The following ACCSL variants were observed in gnomAD, a reference collection of about 807,000 sequenced individuals.
ACCSL encodes the protein probable inactive 1-aminocyclopropane-1-carboxylate synthase-like protein 2.
A neutral mutation model predicts 61.7 loss-of-function variants in ACCSL; 55 were observed. The ratio of observed to expected loss-of-function variants is 0.89; its 90% CI spans 0.72 to 1.12. The LOEUF (loss-of-function observed/expected upper bound fraction) is 1.12, where lower values mean the gene tolerates loss of function less well. Among genes scored for constraint, ACCSL ranks in the 50% most tolerant of loss-of-function variants. The pLI, the probability that ACCSL is intolerant of heterozygous loss-of-function variation, is 0.00. For missense variants in ACCSL, 632 were observed against 698.0 expected, an observed-to-expected ratio of 0.91 and a Z score of 1.07; for synonymous variants, 258 against 264.3, an observed-to-expected ratio of 0.98 and a Z score of 0.23.
At chr11:44,043,101 C>T (rs1282305247), upstream of ACCSL, among the ~76,000 whole-genome samples, 1 of 152,158 alleles carries the variant, frequency 6.6e-6, no homozygotes, top group Admixed American at 6.5e-5. Context: ...ACGTATTTAG[C>T]TATTTATATT....
In ACCSL at chr11:44,058,627, A is replaced by T. The variant is rs558141811; in HGVS notation, c.1552A>T (p.Lys518Ter). ...LDNKLLLSRGKTYMCKEPGWF... is the reference protein window; with the variant it reads ...LDNKLLLSRG The stretch of plus-strand genomic sequence containing the variant: ...CAACAAGCTATTGTTATCCCGTGGC[A>T]AAACCTACATGTGTAAGGAGCCAGG... The change falls in exon 13 of 14, where the codon AAA becomes TAA. Residue 518 changes from lysine (K) to a stop codon, truncating the protein, a stop_gained. Transcript: ENST00000378832. LOFTEE classifies it high-confidence loss of function. 30 of 1,614,146 alleles carry T rather than the reference A, an allele frequency of 1.9e-5. No homozygotes were observed. Among genetic ancestry groups the T allele is most frequent in the Admixed American group, 3.3e-5 (2 of 60,026 alleles).
chr11:44,038,174 C>T, the ACCSL span, among the ~76,000 whole-genome samples: 2 of 151,740 alleles, frequency 1.3e-5, no homozygotes, highest in Admixed American at 1.3e-4. Flanking sequence ...GCATGAGGAG[C>T]GGGTTGTAGA....
the ACCSL span, among the ~76,000 whole-genome samples, chr11:43,939,131 T>C: frequency 6.6e-6 from 1 of 152,254 alleles, no homozygotes; most frequent in African/African-American, 2.4e-5. Context: ...AGCCAACACA[T>C]GCAAATGGCT....
chr11:43,932,994 C>T, the ACCSL span: 15 of 447,636 alleles, frequency 3.4e-5, no homozygotes, highest in East Asian at 5.6e-4. Context: ...TGGAGGGCTG[C>T]GCTGTGTAGC....
At chr11:43,978,917 C>T in the ACCSL span, among the ~76,000 whole-genome samples, 1 of 149,866 alleles carries the variant, frequency 6.7e-6, no homozygotes, top group African/African-American at 2.4e-5. Context: ...TTACTTGGCT[C>T]AACCTCAGTG....
chr11:44,041,944 A>C, the ACCSL span, among the ~76,000 whole-genome samples: 1 of 152,174 alleles, frequency 6.6e-6, no homozygotes, highest in African/African-American at 2.4e-5. Flanking sequence ...CTATAGATAT[A>C]ATTGATTTTT....
At chr11:43,932,690 G>A in the ACCSL span, among the ~76,000 whole-genome samples, 133 of 152,330 alleles carry the variant, frequency 8.7e-4, no homozygotes, top group Middle Eastern at 6.8e-3. Flanking sequence ...GTCTTTGCAG[G>A]TGTCCTCAGC....
the ACCSL span, among the ~76,000 whole-genome samples, chr11:44,004,846 G>C: frequency 3.3e-5 from 5 of 152,162 alleles, no homozygotes; most frequent in African/African-American, 1.2e-4. Context: ...GCAAGAACCT[G>C]GTGATTTGCT....
the ACCSL span, among the ~76,000 whole-genome samples, chr11:43,926,242 C>T: frequency 6.6e-6 from 1 of 152,138 alleles, no homozygotes; most frequent in Non-Finnish European, 1.5e-5. Context: ...TGATGCTCTG[C>T]TCACTCTCGG....
the ACCSL span, among the ~76,000 whole-genome samples, chr11:44,036,493 G>A: frequency 6.6e-6 from 1 of 152,162 alleles, no homozygotes; most frequent in African/African-American, 2.4e-5. Flanking sequence ...CAGATTCCCA[G>A]GTTCTATGCC....
intron 9 of ACCSL, 56 bp downstream of exon 9, chr11:44,055,347 G>C (rs1000142690): frequency 7.6e-6 from 11 of 1,448,536 alleles, no homozygotes; most frequent in African/African-American, 2.8e-5. Flanking sequence ...TTGTTTTGCA[G>C]GGTGAGTTTA....
the ACCSL span, among the ~76,000 whole-genome samples, chr11:43,981,343 C>T: frequency 1.3e-5 from 2 of 152,090 alleles, no homozygotes; most frequent in African/African-American, 4.8e-5. Flanking sequence ...CTGGGGCTTT[C>T]CTAGCAGTCA....
the ACCSL span, among the ~76,000 whole-genome samples, chr11:43,988,916 A>G: frequency 6.8e-6 from 1 of 147,824 alleles, no homozygotes; most frequent in East Asian, 2.1e-4. Context: ...GACTATAGGT[A>G]CATGCCACCA....
chr11:44,038,455 A>C, the ACCSL span, among the ~76,000 whole-genome samples: 3 of 152,210 alleles, frequency 2.0e-5, no homozygotes, highest in African/African-American at 7.2e-5. Context: ...AAAAGAGCTT[A>C]GACTTGAAGT....
chr11:43,993,027 G>T, the ACCSL span, among the ~76,000 whole-genome samples: 1 of 152,130 alleles, frequency 6.6e-6, no homozygotes, highest in Non-Finnish European at 1.5e-5. Flanking sequence ...AAAAGCCTTG[G>T]CTCTGAAATG....
At chr11:44,023,627 G>GTTTTT in the ACCSL span, among the ~76,000 whole-genome samples, 1 of 137,954 alleles carries the variant, frequency 7.2e-6, no homozygotes. Flanking sequence ...GATTTTATCT[G>GTTTTT]TTTTTTTTTT....
the ACCSL span, among the ~76,000 whole-genome samples, chr11:43,937,841 G>T: frequency 6.6e-6 from 1 of 152,172 alleles, no homozygotes; most frequent in African/African-American, 2.4e-5. Context: ...TCCTGTAATC[G>T]TTACAGGGGA....
At chr11:44,044,927 G>A (rs1050274397), upstream of ACCSL, among the ~76,000 whole-genome samples, 3 of 152,168 alleles carry the variant, frequency 2.0e-5, no homozygotes, top group South Asian at 2.1e-4. Context: ...GGAGGCTGAC[G>A]AATACTGAAA....
At chr11:43,975,654 C>G in the ACCSL span, among the ~76,000 whole-genome samples, 1 of 152,118 alleles carries the variant, frequency 6.6e-6, no homozygotes. Context: ...ATCCAGACAG[C>G]TTTTAAGATG....
Sources: gnomAD v4.1 joint callset for allele counts (sites outside exome capture counted in the v4.1 genomes callset) on GRCh38, gnomAD v4.1.1 for gene constraint, MANE v1.5 for transcripts, NCBI Gene and HGNC (gene_info 2026-07-23, HGNC 2026-07-21) for gene names.